Variants in SLC44A3 observed in about 807,000 individuals in gnomAD.
SLC44A3 encodes the protein choline transporter-like protein 3.
Under a neutral mutation model 75.4 loss-of-function variants are expected in SLC44A3, and 74 were observed. The ratio of observed to expected loss-of-function variants is 0.98; its 90% CI spans 0.81 to 1.19. The LOEUF (loss-of-function observed/expected upper bound fraction) is 1.19, where lower values mean the gene tolerates loss of function less well. Among genes scored for constraint, SLC44A3 ranks in the 50% most tolerant of loss-of-function variants. The pLI, the probability that SLC44A3 is intolerant of heterozygous loss-of-function variation, is 0.00. For synonymous variants in SLC44A3, 310 were observed against 296.9 expected, an observed-to-expected ratio of 1.04 and a Z score of -0.45; for missense variants, 700 against 778.6, an observed-to-expected ratio of 0.90 and a Z score of 1.20.
At chr1:94,820,536 C>T (rs939757397) in intron 1 of SLC44A3, 58 bp downstream of exon 1, 9 of 1,474,342 alleles carry the variant, frequency 6.1e-6, no homozygotes, top group African/African-American at 1.4e-5. Flanking sequence ...GTCGAGTCCC[C>T]CGCCTTCACG....
chr1:94,871,471 C>T (rs557356791), intron 12 of SLC44A3, among the ~76,000 whole-genome samples: 2 of 152,308 alleles, frequency 1.3e-5, no homozygotes, highest in African/African-American at 4.8e-5. Context: ...TGGCTAAGAA[C>T]CCCACTGTGA....
intron 9 of SLC44A3, among the ~76,000 whole-genome samples, chr1:94,855,702 C>G (rs1423649969): frequency 6.6e-6 from 1 of 152,230 alleles, no homozygotes; most frequent in Non-Finnish European, 1.5e-5. Flanking sequence ...GAATTAAGAT[C>G]AGCCTTAGTC....
At chr1:94,852,549 G>A (rs572515557) in intron 9 of SLC44A3, among the ~76,000 whole-genome samples, 1 of 152,124 alleles carries the variant, frequency 6.6e-6, no homozygotes, top group African/African-American at 2.4e-5. Flanking sequence ...CAGATCCTGG[G>A]GCCTTTCTGG....
chr1:94,831,051 T>C lies in SLC44A3; in HGVS notation c.509+2465T>C, dbSNP rs532106998. Among the ~76,000 whole-genome samples the C allele has an allele frequency of 3.3e-5, 5 of 152,324 alleles. No homozygotes were observed. The East Asian group carries it at 5.8e-4, about 18-fold the overall frequency. On this transcript the variant is annotated intron_variant, in intron 5 of 14. Coordinates refer to ENST00000271227, the MANE Select transcript of SLC44A3 (RefSeq NM_001114106.3). ...GGCATTCAAACCCAAGCAGCGTCTA[T>C]GTTTGAGTCAAGACTTGATTTTATT...
intron 6 of SLC44A3, chr1:94,838,941 C>T (rs1276563937): frequency 6.6e-6 from 1 of 152,216 alleles, no homozygotes; most frequent in Non-Finnish European, 1.5e-5. Flanking sequence ...AGGCATTGTA[C>T]TTATTCTTCA....
At chr1:94,822,595 A>T (rs1660762540) in intron 2 of SLC44A3, among the ~76,000 whole-genome samples, 1 of 152,086 alleles carries the variant, frequency 6.6e-6, no homozygotes, top group Admixed American at 6.5e-5. Context: ...GGCTTGGGGG[A>T]AGGAGCTGAA....
At chr1:94,857,974 C>T (rs999148504) in intron 10 of SLC44A3, among the ~76,000 whole-genome samples, 8 of 151,986 alleles carry the variant, frequency 5.3e-5, no homozygotes, top group South Asian at 2.1e-4. Context: ...CCATCACACT[C>T]GGCTGATTTT....
At chr1:94,852,588 G>T (rs1429001201) in intron 9 of SLC44A3, among the ~76,000 whole-genome samples, 1 of 152,198 alleles carries the variant, frequency 6.6e-6, no homozygotes, top group Non-Finnish European at 1.5e-5. Context: ...CTTCTAACCT[G>T]AATTGGGAAG....
intron 11 of SLC44A3, among the ~76,000 whole-genome samples, chr1:94,866,011 T>C (rs1044732391): frequency 6.6e-6 from 1 of 152,222 alleles, no homozygotes; most frequent in Non-Finnish European, 1.5e-5. Context: ...TATTTTCTTG[T>C]ATTTCTATTA....
At chr1:94,846,676 T>C (rs1284999350) in intron 9 of SLC44A3, among the ~76,000 whole-genome samples, 1 of 152,238 alleles carries the variant, frequency 6.6e-6, no homozygotes, top group East Asian at 1.9e-4. Flanking sequence ...TTCTAACTCC[T>C]CTGTTTGATT....
intron 11 of SLC44A3, among the ~76,000 whole-genome samples, chr1:94,865,485 C>A (rs912803177): frequency 1.3e-5 from 2 of 152,110 alleles, no homozygotes; most frequent in African/African-American, 4.8e-5. Flanking sequence ...GCAAGCTGAC[C>A]TACATCTCAG....
Position 94,821,086 on chromosome 1 carries a change from C to T in SLC44A3, c.135+30C>T. Reference sequence around the variant, plus strand: ...GTGTGGGTGCTTGGTAGGAAAGAGGCCAGAGTGTGTGTGCACGTCTGGAAA... The same window carrying T: ...GTGTGGGTGCTTGGTAGGAAAGAGGTCAGAGTGTGTGTGCACGTCTGGAAA... On this transcript the variant is annotated intron_variant, in intron 2 of 14. Coordinates refer to ENST00000271227, the MANE Select transcript of SLC44A3 (RefSeq NM_001114106.3). The T allele has an allele frequency of 2.0e-6, 3 of 1,520,688 alleles. No homozygotes were observed. The highest frequency in any genetic ancestry group is 2.7e-6 in the Non-Finnish European group (3 of 1,120,050). 94.2% of individuals were successfully genotyped at this position (1,520,688 alleles called of 1,614,324 possible). A position where few individuals can be genotyped will look rare whatever the true frequency, so the allele number is the denominator to read the frequency against.
intron 12 of SLC44A3, among the ~76,000 whole-genome samples, chr1:94,878,000 C>T (rs1321396130): frequency 6.6e-6 from 1 of 152,086 alleles, no homozygotes; most frequent in East Asian, 1.9e-4. Context: ...TTTGGGAGGC[C>T]AAGGCGGGTG....
chr1:94,857,533 CTA>C lies in SLC44A3; in HGVS notation c.1238+35_1238+36del, dbSNP rs756108957. The C allele has an allele frequency of 1.9e-6, 3 of 1,586,356 alleles. No individual in the cohort carries two copies. The South Asian group carries it at 3.5e-5, about 18-fold the overall frequency. On this transcript the variant is annotated intron_variant, in intron 10 of 14. Transcript: ENST00000271227. ...CAGTGTTTTTTTTCTATTGGTTTGT[CTA>C]TGTGGTTTATCTATGTGCTTCATGT...
intron 5 of SLC44A3, among the ~76,000 whole-genome samples, chr1:94,836,073 A>G (rs1261837011): frequency 6.6e-6 from 1 of 152,246 alleles, no homozygotes; most frequent in Non-Finnish European, 1.5e-5. Flanking sequence ...GTTGTGCTTC[A>G]TTAGAAGCTT....
chr1:94,888,946 G>A (rs2101664641), intron 12 of SLC44A3, among the ~76,000 whole-genome samples: 1 of 151,712 alleles, frequency 6.6e-6, no homozygotes. Flanking sequence ...TTTTAGTAAA[G>A]ACAGGGTTTC....
At chr1:94,846,674 C>A (rs897901114) in intron 9 of SLC44A3, among the ~76,000 whole-genome samples, 3 of 152,202 alleles carry the variant, frequency 2.0e-5, no homozygotes, top group African/African-American at 7.2e-5. Context: ...TTTTCTAACT[C>A]CTCTGTTTGA....
At chr1:94,854,189 C>G (rs1557844500) in intron 9 of SLC44A3, among the ~76,000 whole-genome samples, 1 of 152,084 alleles carries the variant, frequency 6.6e-6, no homozygotes, top group African/African-American at 2.4e-5. Context: ...AAGCAGATTT[C>G]AAAAAAAGTC....
intron 12 of SLC44A3, among the ~76,000 whole-genome samples, chr1:94,890,668 T>G (rs1670106273): frequency 6.6e-6 from 1 of 152,142 alleles, no homozygotes; most frequent in Non-Finnish European, 1.5e-5. Context: ...TTTCCTGCCC[T>G]CAAACTCTAT....
Sources: gnomAD v4.1 joint callset for allele counts (sites outside exome capture counted in the v4.1 genomes callset) on GRCh38, gnomAD v4.1.1 for gene constraint, MANE v1.5 for transcripts, NCBI Gene and HGNC (gene_info 2026-07-23, HGNC 2026-07-21) for gene names.